The following DYNC1I2 variants were observed in gnomAD, a reference collection of about 807,000 sequenced individuals.
DYNC1I2 encodes dynein cytoplasmic 1 intermediate chain 2.
A neutral mutation model predicts 88.6 loss-of-function variants in DYNC1I2; 53 were observed. The ratio of observed to expected loss-of-function variants is 0.60; its 90% confidence interval spans 0.48 to 0.75. The LOEUF (loss-of-function observed/expected upper bound fraction) is 0.75, where lower values mean the gene tolerates loss of function less well. DYNC1I2 is among the 30% of genes least tolerant of loss of function. The pLI is 0.00. For missense variants in DYNC1I2, 458 were observed against 766.6 expected, an observed-to-expected ratio of 0.60 and a Z score of 4.75; for synonymous variants, 198 against 254.6, an observed-to-expected ratio of 0.78 and a Z score of 2.12.
At chr2:171,688,124 T>G (rs1209943349) in intron 1 of DYNC1I2, 1 of 152,288 alleles carries the variant, frequency 6.6e-6, no homozygotes, top group African/African-American at 2.4e-5. Flanking sequence ...CCGGACGCCC[T>G]GCCGTGGACC....
At position 171,748,636 on chromosome 2, in the gene DYNC1I2, CT is replaced by C. The variant is rs1689947819; in HGVS notation, c.*751del. 6.6e-6 allele frequency among the ~76,000 whole-genome samples: 1 copy of C among 152,108 alleles called. No homozygotes were observed. Among genetic ancestry groups the C allele is most frequent in the African/African-American group, 2.4e-5 (1 of 41,440 alleles). On this transcript the variant is annotated 3_prime_UTR_variant, in exon 18 of 18. Transcript: ENST00000397119. Reference sequence around the variant, plus strand: ...GGTGAAAAAATTTCCCCTAGGTTAACTTTTGCTTTACTACTTTATATTCTTT... The same window carrying C: ...GGTGAAAAAATTTCCCCTAGGTTAACTTTGCTTTACTACTTTATATTCTTT...
At chr2:171,706,637 G>A in intron 4 of DYNC1I2, 73 bp downstream of exon 4, 3 of 1,406,370 alleles carry the variant, frequency 2.1e-6, no homozygotes, top group Non-Finnish European at 3.0e-6. Context: ...ATGTCTAGAA[G>A]GCATGCTGTT....
At chr2:171,733,495 T>C (rs994749952) in intron 15 of DYNC1I2, among the ~76,000 whole-genome samples, 4 of 139,972 alleles carry the variant, frequency 2.9e-5, no homozygotes, top group Non-Finnish European at 6.2e-5. Context: ...TTTTTGCTTT[T>C]TAATAATAGT....
chr2:171,744,558 T>C (rs1224323636), intron 16 of DYNC1I2, among the ~76,000 whole-genome samples: 1 of 152,244 alleles, frequency 6.6e-6, no homozygotes, highest in Non-Finnish European at 1.5e-5. Flanking sequence ...TTCTAAATTA[T>C]CTCTTAGCCT....
chr2:171,722,149 A>C (rs1272815820), intron 7 of DYNC1I2, among the ~76,000 whole-genome samples: 1 of 152,134 alleles, frequency 6.6e-6, no homozygotes, highest in African/African-American at 2.4e-5. Context: ...AACTTTGATT[A>C]ACTTACTCCA....
intron 11 of DYNC1I2, 34 bp downstream of exon 11, chr2:171,726,950 T>C (rs1179383265): frequency 6.5e-7 from 1 of 1,532,568 alleles, no homozygotes; most frequent in South Asian, 1.3e-5. Context: ...TCGCCTCAAG[T>C]TTAAGAATTC....
At chr2:171,733,362 T>A (rs1173663311) in intron 15 of DYNC1I2, among the ~76,000 whole-genome samples, 1 of 151,288 alleles carries the variant, frequency 6.6e-6, no homozygotes, top group African/African-American at 2.4e-5. Flanking sequence ...TGTCTGTCTC[T>A]GGGTCTTTGA....
At chr2:171,722,326 C>G (rs1312918429) in intron 7 of DYNC1I2, among the ~76,000 whole-genome samples, 1 of 152,156 alleles carries the variant, frequency 6.6e-6, no homozygotes, top group Non-Finnish European at 1.5e-5. Context: ...TTTTAGCATT[C>G]ATTGACAAGA....
At chr2:171,709,919 G>T (rs1234171667) in intron 5 of DYNC1I2, among the ~76,000 whole-genome samples, 1 of 151,994 alleles carries the variant, frequency 6.6e-6, no homozygotes, top group Non-Finnish European at 1.5e-5. Context: ...GTTTCACCAT[G>T]TTGGCCAGGC....
chr2:171,717,302 A>G (rs1288747392), intron 7 of DYNC1I2, among the ~76,000 whole-genome samples: 1 of 151,890 alleles, frequency 6.6e-6, no homozygotes, highest in Non-Finnish European at 1.5e-5. Context: ...TTTAGTAGAG[A>G]TAGGGTTTCA....
Position 171,712,790 on chromosome 2 carries a change from C to A in DYNC1I2, c.359C>A (p.Pro120Gln). 2.5e-6 allele frequency: 4 copies of A among 1,613,440 alleles called. No individual in the cohort carries two copies. Among genetic ancestry groups the A allele is most frequent in the Non-Finnish European group, 3.4e-6 (4 of 1,179,570 alleles). Reference protein sequence around the residue: ...GSRTLHWDTDPSVLQLHSDSD... With the variant: ...GSRTLHWDTDQSVLQLHSDSD... ...AGGACGCTGCATTGGGATACAGATC[C>A]ATCAGTTCTTCAGCTTCACTCAGAT... Residue 120 changes from proline to glutamine, a missense_variant, in exon 6 of 18, where the codon CCA becomes CAA. Pro to Gln is a moderately conservative substitution (Grantham distance 76, BLOSUM62 -1). Around this residue, in one of 5 missense-constraint regions of DYNC1I2, gnomAD observed 203 missense variants for 354.2 expected, o/e 0.57. Coordinates refer to ENST00000397119, the MANE Select transcript of DYNC1I2 (RefSeq NM_001378.3).
At chr2:171,688,598 G>A (rs751135950) in intron 1 of DYNC1I2, 3 of 152,132 alleles carry the variant, frequency 2.0e-5, no homozygotes, top group Non-Finnish European at 2.9e-5. Flanking sequence ...ACGGTCTCTT[G>A]CTTTTAGTTT....
intron 9 of DYNC1I2, 50 bp downstream of exon 9, chr2:171,726,131 T>A: frequency 6.4e-7 from 1 of 1,560,096 alleles, no homozygotes; most frequent in African/African-American, 1.4e-5. Flanking sequence ...TAAATTACTT[T>A]AAGATTAAGA....
intron 3 of DYNC1I2, among the ~76,000 whole-genome samples, chr2:171,703,755 G>C (rs1421516863): frequency 6.6e-6 from 1 of 152,126 alleles, no homozygotes; most frequent in Non-Finnish European, 1.5e-5. Flanking sequence ...ATGAAAAATA[G>C]GTAGTTATTT....
chr2:171,726,464 A>AT, intron 10 of DYNC1I2, 171 bp downstream of exon 10: 1 of 573,782 alleles, frequency 1.7e-6, no homozygotes. Flanking sequence ...TGGAAGAAAG[A>AT]TTAGAAGCAT....
intron 7 of DYNC1I2, 109 bp from the exon 8 acceptor site, chr2:171,725,509 G>T (rs1248463190): frequency 8.9e-6 from 6 of 676,526 alleles, no homozygotes; most frequent in Non-Finnish European, 1.4e-5. Flanking sequence ...TGGGAGTTGT[G>T]ATACCTTCTG....
rs1405033067 is a variant in DYNC1I2 at position 171,739,844 on chromosome 2, C to T, written c.1537-4205C>T. On this transcript the variant is annotated intron_variant, in intron 15 of 17. Transcript: ENST00000397119. ...CCTCAGCCTCCTGAGTAGCTGGGAT[C>T]ACAGGCGCCCGCCACCATGCCTGGC... Among the ~76,000 whole-genome samples, 3 of 151,534 alleles carry T rather than the reference C, an allele frequency of 2.0e-5. No individual in the cohort carries two copies. The East Asian group carries it at 5.9e-4, about 30-fold the overall frequency.
intron 5 of DYNC1I2, among the ~76,000 whole-genome samples, chr2:171,707,958 G>A (rs868833195): frequency 8.5e-5 from 13 of 152,090 alleles, no homozygotes; most frequent in Middle Eastern, 3.4e-3. Context: ...TTTGTTTTAG[G>A]ATCCTGCATA....
At chr2:171,737,506 C>T (rs1689091544) in intron 15 of DYNC1I2, among the ~76,000 whole-genome samples, 1 of 152,190 alleles carries the variant, frequency 6.6e-6, no homozygotes, top group Admixed American at 6.5e-5. Context: ...CAACCTCCAC[C>T]TCCCAGGTTC....
Sources: gnomAD v4.1 joint callset for allele counts (sites outside exome capture counted in the v4.1 genomes callset) on GRCh38, gnomAD v4.1.1 for gene constraint, gnomAD v4.1.1 regional missense constraint, MANE v1.5 for transcripts, NCBI Gene and HGNC (gene_info 2026-07-23, HGNC 2026-07-21) for gene names.